The following RBMS3 variants were observed in gnomAD, a reference collection of about 807,000 sequenced individuals.
The protein encoded by RBMS3 is RNA-binding motif, single-stranded-interacting protein 3.
Under a neutral mutation model 66.8 loss-of-function variants are expected in RBMS3, and 27 were observed. The observed-to-expected ratio is 0.40, with a 90% confidence interval of 0.30 to 0.56. The LOEUF is 0.56. Among genes scored for constraint, RBMS3 ranks in the 20% least tolerant of loss-of-function variants. The probability of loss-of-function intolerance (pLI) is 0.40; values close to 1 mark genes in which losing one functional copy is unlikely to be tolerated. For missense variants in RBMS3, 513 were observed against 549.5 expected (o/e 0.93, Z 0.66); for synonymous variants, 188 against 183.0 (o/e 1.03, Z -0.22).
chr3:29,470,735 T>A (rs2042695915), intron 2 of RBMS3, among the ~76,000 whole-genome samples: 1 of 152,094 alleles, frequency 6.6e-6, no homozygotes, highest in Non-Finnish European at 1.5e-5. Flanking sequence ...AATGAAGATA[T>A]ACTTGAAATA....
chr3:29,476,039 C>T lies in RBMS3; in HGVS notation c.249-12402C>T, dbSNP rs925194627. ...TGTGTTCTTTGTCATGTAAAACATC[C>T]CCCACTGACTCCCTGTGGAATGAAA... On this transcript the variant is annotated intron_variant, in intron 2 of 14. Coordinates refer to ENST00000383767, the MANE Select transcript of RBMS3 (RefSeq NM_001003793.3). Among the ~76,000 whole-genome samples, 3 of 152,204 alleles carry T rather than the reference C, an allele frequency of 2.0e-5. No individual in the cohort carries two copies. The South Asian group carries it at 6.2e-4, about 32-fold the overall frequency.
At chr3:29,392,125 C>CTGTA (rs1434401231) in intron 1 of RBMS3, among the ~76,000 whole-genome samples, 2 of 152,260 alleles carry the variant, frequency 1.3e-5, no homozygotes, top group East Asian at 3.9e-4. Flanking sequence ...TGGCACAAGC[C>CTGTA]TGTAGTCCCA....
intron 3 of RBMS3, among the ~76,000 whole-genome samples, chr3:29,514,835 A>G (rs2044560864): frequency 2.0e-5 from 3 of 151,374 alleles, no homozygotes; most frequent in Admixed American, 2.0e-4. Flanking sequence ...TAATAATATG[A>G]GGATAATAGC....
intron 3 of RBMS3, among the ~76,000 whole-genome samples, chr3:29,579,481 AG>A (rs1334283098): frequency 6.6e-6 from 1 of 152,224 alleles, no homozygotes; most frequent in Non-Finnish European, 1.5e-5. Flanking sequence ...TGGGACAGCC[AG>A]GAATGAAATT....
intron 2 of RBMS3, among the ~76,000 whole-genome samples, chr3:29,455,039 T>G: frequency 6.6e-6 from 1 of 152,200 alleles, no homozygotes; most frequent in Admixed American, 6.5e-5. Flanking sequence ...CTCTATTTAC[T>G]CCATCTCCCT....
intron 10 of RBMS3, among the ~76,000 whole-genome samples, chr3:29,912,482 T>C (rs1009042593): frequency 1.3e-5 from 2 of 152,104 alleles, no homozygotes; most frequent in Admixed American, 6.6e-5. Context: ...AAAAACAATT[T>C]AGGAAAATTT....
chr3:29,513,180 A>C (rs1401638599), intron 3 of RBMS3, among the ~76,000 whole-genome samples: 1 of 152,178 alleles, frequency 6.6e-6, no homozygotes, highest in Admixed American at 6.5e-5. Flanking sequence ...GAACCTTAGA[A>C]AGGTGTTAGT....
At chr3:29,325,279 C>T (rs957033842) in intron 1 of RBMS3, among the ~76,000 whole-genome samples, 5 of 151,960 alleles carry the variant, frequency 3.3e-5, no homozygotes, top group African/African-American at 1.2e-4. Flanking sequence ...TTTTATTGCT[C>T]TTAGTAAACA....
chr3:29,968,233 C>G (rs563148473), intron 12 of RBMS3, among the ~76,000 whole-genome samples: 2 of 152,202 alleles, frequency 1.3e-5, no homozygotes, highest in South Asian at 2.1e-4. Flanking sequence ...AGGTGGAGGG[C>G]GAGACAGGCT....
At chr3:29,774,485 G>T (rs1222258960) in intron 6 of RBMS3, among the ~76,000 whole-genome samples, 4 of 151,970 alleles carry the variant, frequency 2.6e-5, no homozygotes, top group African/African-American at 9.7e-5. Flanking sequence ...AAAAATCTTA[G>T]CAAAGTGTAC....
At chr3:29,995,669 G>T (rs1049584739) in intron 14 of RBMS3, among the ~76,000 whole-genome samples, 5 of 152,068 alleles carry the variant, frequency 3.3e-5, no homozygotes, top group Non-Finnish European at 7.4e-5. Context: ...GCCAAACTAA[G>T]CTTCATAAGT....
At chr3:29,343,152 T>G (rs1294441918) in intron 1 of RBMS3, among the ~76,000 whole-genome samples, 1 of 152,088 alleles carries the variant, frequency 6.6e-6, no homozygotes, top group East Asian at 1.9e-4. Context: ...AAAAACAACC[T>G]AAGGAAGAGC....
Position 30,004,012 on chromosome 3 carries a change from T to C in RBMS3, c.*150T>C. On this transcript the variant is annotated 3_prime_UTR_variant, in exon 15 of 15. Transcript: ENST00000383767. ...TTTTTTAGTGTTATACCTTACCCAA[T>C]GAAAGCAAAGTTTTTATGTGCTGTG... is the stretch of plus-strand genomic sequence containing the variant. 1.9e-6 allele frequency: 1 copy of C among 531,962 alleles called. No individual in the cohort carries two copies. 33.0% of individuals were successfully genotyped at this position (531,962 alleles called of 1,614,324 possible).
intron 4 of RBMS3, among the ~76,000 whole-genome samples, chr3:29,730,603 G>A (rs9816394): frequency 0.12 from 17,557 of 152,072 alleles, 1,068 homozygotes; most frequent in Middle Eastern, 0.24. Context: ...GTTGTTTGGG[G>A]CATCATAGTC....
intron 4 of RBMS3, among the ~76,000 whole-genome samples, chr3:29,627,940 A>G (rs1267855097): frequency 1.3e-5 from 2 of 152,160 alleles, no homozygotes; most frequent in South Asian, 2.1e-4. Flanking sequence ...GCCAGTGTAG[A>G]GAAACCACCA....
chr3:29,516,721 G>C (rs2044642414), intron 3 of RBMS3, among the ~76,000 whole-genome samples: 1 of 152,140 alleles, frequency 6.6e-6, no homozygotes, highest in Non-Finnish European at 1.5e-5. Context: ...CCTGGCCAAG[G>C]AGAGGAACTT....
intron 7 of RBMS3, among the ~76,000 whole-genome samples, chr3:29,883,928 G>A (rs1394760553): frequency 6.6e-6 from 1 of 151,950 alleles, no homozygotes; most frequent in Non-Finnish European, 1.5e-5. Flanking sequence ...CATCCAAGCT[G>A]CATTGTTTCT....
Position 29,291,712 on chromosome 3 carries a change from G to T in RBMS3, c.75+9956G>T, listed in dbSNP as rs542692027. Among the ~76,000 whole-genome samples the T allele has an allele frequency of 2.6e-5, 4 of 151,556 alleles. No homozygotes were observed. The South Asian group carries it at 6.3e-4, about 24-fold the overall frequency. ...TTTCTTCCTTTTCCCCAGTTCCCACGGTTATTTACCTAGGATAATAACATC... is the reference window on the plus strand; with the variant it reads ...TTTCTTCCTTTTCCCCAGTTCCCACTGTTATTTACCTAGGATAATAACATC... On this transcript the variant is annotated intron_variant, in intron 1 of 14. Coordinates refer to ENST00000383767, the MANE Select transcript of RBMS3 (RefSeq NM_001003793.3).
intron 12 of RBMS3, among the ~76,000 whole-genome samples, chr3:29,976,617 C>T (rs2149772553): frequency 6.6e-6 from 1 of 152,142 alleles, no homozygotes; most frequent in East Asian, 1.9e-4. Context: ...ACACTCGACG[C>T]TCAAGGAAAA....
Sources: gnomAD v4.1 joint callset for allele counts (sites outside exome capture counted in the v4.1 genomes callset) on GRCh38, gnomAD v4.1.1 for gene constraint, MANE v1.5 for transcripts, NCBI Gene and HGNC (gene_info 2026-07-23, HGNC 2026-07-21) for gene names.